TMEM132C: variants seen among roughly 807,000 people sequenced by gnomAD.
TMEM132C encodes protein phosphatase 1, regulatory subunit 152.
Under a neutral mutation model 61.4 loss-of-function variants are expected in TMEM132C, and 29 were observed. The ratio of observed to expected loss-of-function variants is 0.47; its 90% CI spans 0.35 to 0.64. The LOEUF (loss-of-function observed/expected upper bound fraction) is 0.64, where lower values mean the gene tolerates loss of function less well. Among genes scored for constraint, TMEM132C ranks in the 30% least tolerant of loss-of-function variants. The probability of loss-of-function intolerance (pLI) is 0.00; values close to 1 mark genes in which losing one functional copy is unlikely to be tolerated. For synonymous variants in TMEM132C, 656 were observed against 633.1 expected (o/e 1.04, Z -0.54); for missense variants, 1,408 against 1,476.9 (o/e 0.95, Z 0.76).
chr12:128,610,102 A>C (rs1367180921), intron 3 of TMEM132C, among the ~76,000 whole-genome samples: 1 of 152,226 alleles, frequency 6.6e-6, no homozygotes, highest in Non-Finnish European at 1.5e-5. Flanking sequence ...CATTAGGGTC[A>C]ATGAGACTTT....
intron 4 of TMEM132C, among the ~76,000 whole-genome samples, chr12:128,621,826 C>G (rs747267009): frequency 1.3e-5 from 2 of 152,144 alleles, no homozygotes; most frequent in African/African-American, 2.4e-5. Context: ...GGGGTAGAAA[C>G]AGCTCCCAGC....
chr12:128,406,626 C>A (rs1429163378), intron 1 of TMEM132C, among the ~76,000 whole-genome samples: 5 of 152,050 alleles, frequency 3.3e-5, no homozygotes, highest in Non-Finnish European at 7.3e-5. Context: ...ATGTGTGAGA[C>A]CCTGGAGATA....
intron 1 of TMEM132C, among the ~76,000 whole-genome samples, chr12:128,396,319 A>G (rs1235909749): frequency 2.0e-5 from 3 of 152,054 alleles, no homozygotes; most frequent in Non-Finnish European, 2.9e-5. Context: ...GGTAGTTGTA[A>G]GTGGGAGTTG....
At chr12:128,435,012 C>G (rs554817485) in intron 2 of TMEM132C, among the ~76,000 whole-genome samples, 120 of 152,062 alleles carry the variant, frequency 7.9e-4, no homozygotes, top group Non-Finnish European at 1.6e-3. Flanking sequence ...ACCTCCAGCC[C>G]CTCCGAATGT....
chr12:128,687,669 G>C (rs1954687995), intron 5 of TMEM132C, among the ~76,000 whole-genome samples: 1 of 152,222 alleles, frequency 6.6e-6, no homozygotes, highest in Non-Finnish European at 1.5e-5. Flanking sequence ...AAGATGCACA[G>C]GGAAGAAAAC....
intron 3 of TMEM132C, among the ~76,000 whole-genome samples, chr12:128,545,550 A>T (rs1417079542): frequency 6.6e-6 from 1 of 152,186 alleles, no homozygotes; most frequent in African/African-American, 2.4e-5. Flanking sequence ...TTCCACTGTG[A>T]TCGAACTAAT....
intron 2 of TMEM132C, among the ~76,000 whole-genome samples, chr12:128,515,117 A>G (rs1190661819): frequency 2.0e-5 from 3 of 152,210 alleles, no homozygotes; most frequent in Non-Finnish European, 4.4e-5. Flanking sequence ...TTCATAGTGG[A>G]CTTCATCGGT....
At chr12:128,578,394 C>T (rs563441590) in intron 3 of TMEM132C, among the ~76,000 whole-genome samples, 8 of 152,202 alleles carry the variant, frequency 5.3e-5, no homozygotes, top group East Asian at 1.9e-4. Flanking sequence ...CTGAGCTCCC[C>T]GGGTACCCAC....
chr12:128,589,967 A>G (rs1875694600), intron 3 of TMEM132C, among the ~76,000 whole-genome samples: 2 of 152,198 alleles, frequency 1.3e-5, no homozygotes, highest in South Asian at 2.1e-4. Flanking sequence ...ACAAAGTTTC[A>G]TGAATCATTA....
chr12:128,532,245 A>G (rs769402495), intron 2 of TMEM132C, among the ~76,000 whole-genome samples: 8 of 152,158 alleles, frequency 5.3e-5, no homozygotes, highest in Non-Finnish European at 7.3e-5. Context: ...TTTGTTTTCT[A>G]TAGCTCCTTT....
chr12:128,333,275 A>G (rs1872708182), intron 1 of TMEM132C, among the ~76,000 whole-genome samples: 1 of 151,222 alleles, frequency 6.6e-6, no homozygotes, highest in Non-Finnish European at 1.5e-5. Context: ...TTGTGTTTAC[A>G]TGGGTTTGAG....
chr12:128,272,099 A>G (rs1245267727), intron 1 of TMEM132C, among the ~76,000 whole-genome samples: 1 of 152,204 alleles, frequency 6.6e-6, no homozygotes, highest in Non-Finnish European at 1.5e-5. Flanking sequence ...AGTTTCGACA[A>G]ATGCACACAG....
chr12:128,401,204 C>A (rs1238604930), intron 1 of TMEM132C, among the ~76,000 whole-genome samples: 4 of 152,090 alleles, frequency 2.6e-5, no homozygotes, highest in South Asian at 2.1e-4. Context: ...TGTCTTCTAG[C>A]CTGCAAAAAC....
chr12:128,464,565 A>C (rs1179258773), intron 2 of TMEM132C, among the ~76,000 whole-genome samples: 1 of 152,172 alleles, frequency 6.6e-6, no homozygotes, highest in Admixed American at 6.5e-5. Flanking sequence ...CCAGCCTGGG[A>C]AAAATACTGA....
chr12:128,485,944 C>T (rs779839984), intron 2 of TMEM132C, among the ~76,000 whole-genome samples: 34 of 152,166 alleles, frequency 2.2e-4, no homozygotes, highest in African/African-American at 4.6e-4. Flanking sequence ...CAGCACGTAA[C>T]GCTTCAAAGT....
At chr12:128,568,565 C>G (rs973011218) in intron 3 of TMEM132C, among the ~76,000 whole-genome samples, 1 of 152,202 alleles carries the variant, frequency 6.6e-6, no homozygotes, top group Non-Finnish European at 1.5e-5. Context: ...GTTATCAGCT[C>G]TGGTTTACAG....
chr12:128,669,676 G>A (rs1954512285), intron 5 of TMEM132C, 116 bp downstream of exon 5: 1 of 1,260,070 alleles, frequency 7.9e-7, no homozygotes, highest in Non-Finnish European at 1.1e-6. Flanking sequence ...AGGCTTATGT[G>A]CAACACACTT....
At chr12:128,660,502 A>C (rs1411163106) in intron 4 of TMEM132C, among the ~76,000 whole-genome samples, 1 of 152,192 alleles carries the variant, frequency 6.6e-6, no homozygotes, top group Non-Finnish European at 1.5e-5. Flanking sequence ...ACTTTGATCC[A>C]CTTAGAAGGG....
At chr12:128,294,428 C>T (rs1306590925) in intron 1 of TMEM132C, among the ~76,000 whole-genome samples, 1 of 152,198 alleles carries the variant, frequency 6.6e-6, no homozygotes, top group Non-Finnish European at 1.5e-5. Flanking sequence ...TCCTCTCCCT[C>T]TCTAATTCTG....
Sources: gnomAD v4.1 joint callset for allele counts (sites outside exome capture counted in the v4.1 genomes callset) on GRCh38, gnomAD v4.1.1 for gene constraint, MANE v1.5 for transcripts, NCBI Gene and HGNC (gene_info 2026-07-23, HGNC 2026-07-21) for gene names.